PRSS50: variants seen among roughly 807,000 people sequenced by gnomAD.
The protein encoded by PRSS50 is probable threonine protease PRSS50.
Under a neutral mutation model 34.2 loss-of-function variants are expected in PRSS50, and 23 were observed. That is an observed-to-expected ratio of 0.67 (90% CI 0.48 to 0.95). PRSS50 has a LOEUF of 0.95. PRSS50 is among the 40% of genes least tolerant of loss of function. The pLI, the probability that PRSS50 is intolerant of heterozygous loss-of-function variation, is 0.00. For missense variants in PRSS50, 484 were observed against 513.4 expected, an observed-to-expected ratio of 0.94 and a Z score of 0.55; for synonymous variants, 224 against 211.2, an observed-to-expected ratio of 1.06 and a Z score of -0.53.
chr3:46,712,776 A>C (rs1575471841), intron 5 of PRSS50, 125 bp downstream of exon 5: 14 of 735,212 alleles, frequency 1.9e-5, no homozygotes, highest in South Asian at 7.7e-5. Flanking sequence ...CTCCATCCCC[A>C]TATCCCAGAG....
At position 46,714,518 on chromosome 3, in the gene PRSS50, G is replaced by A. The variant is rs940657306; in HGVS notation, c.471-17C>T. The A allele has an allele frequency of 6.4e-7, 1 of 1,550,526 alleles. No individual in the cohort carries two copies. The highest frequency in any genetic ancestry group is 8.7e-7 in the Non-Finnish European group (1 of 1,150,334). The stretch of plus-strand genomic sequence containing the variant: ...ACATCACGCCTAGGGGGGCCGTGAG[G>A]GGAGGCCATGATCAGCTCCAGGCCC... On this transcript the variant is annotated splice_polypyrimidine_tract_variant and intron_variant, in intron 3 of 5. Coordinates refer to ENST00000315170, the MANE Select transcript of PRSS50 (RefSeq NM_013270.5).
intron 4 of PRSS50, 34 bp downstream of exon 4, chr3:46,714,184 G>A: frequency 6.3e-7 from 1 of 1,599,288 alleles, no homozygotes; most frequent in Non-Finnish European, 8.5e-7. Context: ...CTTTCTCACA[G>A]CACCCGCCCT....
rs1352424633 is a variant in PRSS50 at position 46,715,384 on chromosome 3, G to A, written c.470+151C>T. The A allele has an allele frequency of 4.3e-5, 44 of 1,031,946 alleles. No individual in the cohort carries two copies. The highest frequency in any genetic ancestry group is 6.0e-5 in the Non-Finnish European group (43 of 721,232). 63.9% of individuals were successfully genotyped at this position (1,031,946 alleles called of 1,614,324 possible). ...ACACTGAAAAGACTGGAGCTCTGAAGGAATTTTCAGGACTCAGCCTCCACC... is the reference window on the plus strand; with the variant it reads ...ACACTGAAAAGACTGGAGCTCTGAAAGAATTTTCAGGACTCAGCCTCCACC... On this transcript the variant is annotated intron_variant, in intron 3 of 5. Coordinates refer to ENST00000315170, the MANE Select transcript of PRSS50 (RefSeq NM_013270.5). This position sits in a 1 kb window ranked among gnomAD's most constrained non-coding sequence, Gnocchi z 5.2.
In PRSS50 at chr3:46,716,115, T is replaced by C. The variant is rs1238365879; in HGVS notation, c.308-418A>G. ...CTGGGAACCCCTTTCTGTGGCTCAG[T>C]GAGAGGAAAGTGGATGCCCCAACAG... On this transcript the variant is annotated intron_variant, in intron 2 of 5. Transcript: ENST00000315170. This position sits in a 1 kb window ranked among gnomAD's most constrained non-coding sequence, Gnocchi z 4.4. Among the ~76,000 whole-genome samples the C allele has an allele frequency of 6.6e-6, 1 of 152,164 alleles. No homozygotes were observed. The highest frequency in any genetic ancestry group is 1.5e-5 in the Non-Finnish European group (1 of 68,020).
Position 46,717,719 on chromosome 3 carries a change from C to A in PRSS50, c.106G>T (p.Gly36Cys), listed in dbSNP as rs982616218. 1.9e-6 allele frequency: 3 copies of A among 1,597,806 alleles called. No homozygotes were observed. The South Asian group carries it at 3.4e-5, about 18-fold the overall frequency. Residue 36 changes from glycine to cysteine, a missense_variant and splice_region_variant, in exon 1 of 6, where the codon GGT (glycine) becomes TGT (cysteine). Physicochemically the swap from Gly to Cys is radical, Grantham distance 159. Transcript: ENST00000315170. This position sits in a 1 kb window ranked among gnomAD's most constrained non-coding sequence, Gnocchi z 4.5. ...GGGGTAGGGATCGGGAGGGACTCACCTGCAGACCTCAGCAACAGAAGCAGC... is the reference window on the plus strand; with the variant it reads ...GGGGTAGGGATCGGGAGGGACTCACATGCAGACCTCAGCAACAGAAGCAGC... ...LLLLLLLRSAGCWGAGEAPGA... is the reference protein window; with the variant it reads ...LLLLLLLRSACCWGAGEAPGA...
chr3:46,714,503 T>A lies in PRSS50; in HGVS notation c.471-2A>T. 1 of 1,575,660 alleles carries A rather than the reference T, an allele frequency of 6.3e-7. No individual in the cohort carries two copies. The highest frequency in any genetic ancestry group is 1.1e-5 in the South Asian group (1 of 87,002). On this transcript the variant is annotated splice_acceptor_variant, in intron 3 of 5. Coordinates refer to ENST00000315170, the MANE Select transcript of PRSS50 (RefSeq NM_013270.5). LOFTEE classifies it high-confidence loss of function. ...CTCACTGAGTAGATAACATCACGCC[T>A]AGGGGGGCCGTGAGGGGAGGCCATG...
Position 46,712,988 on chromosome 3 carries a change from G to C in PRSS50, c.834C>G (p.His278Gln). 6.2e-7 allele frequency: 1 copy of C among 1,614,166 alleles called. No individual in the cohort carries two copies. Among genetic ancestry groups the C allele is most frequent in the Non-Finnish European group, 8.5e-7 (1 of 1,180,018 alleles). ...LNNKECDNFY[H>Q]NFTKIPTLVQ... The stretch of plus-strand genomic sequence containing the variant: ...CCAGAGTGGGGATTTTGGTGAAGTT[G>C]TGGTAGAAATTGTCACACTCTTTGT... Residue 278 changes from histidine to glutamine, a missense_variant, in exon 5 of 6, where the codon CAC (histidine) becomes CAG (glutamine). His to Gln is a conservative substitution (Grantham distance 24). Coordinates refer to ENST00000315170, the MANE Select transcript of PRSS50 (RefSeq NM_013270.5).
rs1020879459 is a variant in PRSS50, at chr3:46,715,828, A to G, written c.308-131T>C. The G allele has an allele frequency of 3.1e-6, 3 of 962,628 alleles. No homozygotes were observed. Among genetic ancestry groups the G allele is most frequent in the Non-Finnish European group, 4.6e-6 (3 of 653,618 alleles). The allele number at this position is 962,628 out of a possible 1,614,324, so 59.6% of individuals were successfully genotyped here. A position where few individuals can be genotyped will look rare whatever the true frequency, so the allele number is the denominator to read the frequency against. ...GGGTGCTCCCTTTTCACCTGTCACC[A>G]TGGAATGATGCTGTCCACATGTGGA... On this transcript the variant is annotated intron_variant, in intron 2 of 5. Transcript: ENST00000315170. This position sits in a 1 kb window ranked among gnomAD's most constrained non-coding sequence, Gnocchi z 5.2.
At position 46,717,240 on chromosome 3, in the gene PRSS50, G is replaced by C. The variant is rs1700694912; in HGVS notation, c.307+197C>G. 6.6e-6 allele frequency among the ~76,000 whole-genome samples: 1 copy of C among 152,168 alleles called. No homozygotes were observed. The highest frequency in any genetic ancestry group is 1.5e-5 in the Non-Finnish European group (1 of 68,028). On this transcript the variant is annotated intron_variant, in intron 2 of 5. Coordinates refer to ENST00000315170, the MANE Select transcript of PRSS50 (RefSeq NM_013270.5). This position sits in a 1 kb window ranked among gnomAD's most constrained non-coding sequence, Gnocchi z 4.5. ...CAGGAGGGGAGGCCTGTGAGGACAA[G>C]ACACCCAGAGCTCTGGGCCTCCAGA...
In PRSS50 at chr3:46,716,595, C is replaced by T. The variant is rs1212729395; in HGVS notation, c.307+842G>A. Among the ~76,000 whole-genome samples, 1 of 152,170 alleles carries T rather than the reference C, an allele frequency of 6.6e-6. No homozygotes were observed. The highest frequency in any genetic ancestry group is 6.5e-5 in the Admixed American group (1 of 15,280). On this transcript the variant is annotated intron_variant, in intron 2 of 5. Transcript: ENST00000315170. The surrounding 1 kb of genome is among the most constrained non-coding windows in gnomAD (Gnocchi z 4.4). ...TGCAGATTTCAATCATGATGAGATTCTGCTCTGTACCATCCGCCTGGCAAA... is the reference window on the plus strand; with the variant it reads ...TGCAGATTTCAATCATGATGAGATTTTGCTCTGTACCATCCGCCTGGCAAA...
In PRSS50 at chr3:46,717,829, G is replaced by C. The variant is rs564061355; in HGVS notation, c.-5C>G. The C allele has an allele frequency of 6.7e-7, 1 of 1,497,034 alleles. No homozygotes were observed. Among genetic ancestry groups the C allele is most frequent in the East Asian group, 2.5e-5 (1 of 40,398 alleles). 92.7% of individuals were successfully genotyped at this position (1,497,034 alleles called of 1,614,324 possible). A position where few individuals can be genotyped will look rare whatever the true frequency, so the allele number is the denominator to read the frequency against. ...GGTCTGGCACCAGCGACCCATCCCG[G>C]GGTGGCAGCCGACTGCGTCTCTCCG... On this transcript the variant is annotated 5_prime_UTR_variant, in exon 1 of 6. Coordinates refer to ENST00000315170, the MANE Select transcript of PRSS50 (RefSeq NM_013270.5). This position sits in a 1 kb window ranked among gnomAD's most constrained non-coding sequence, Gnocchi z 4.5.
rs1486842229 is a variant in PRSS50 at position 46,714,307 on chromosome 3, A to G, written c.665T>C (p.Val222Ala). Residue 222 changes from valine to alanine, a missense_variant, in exon 4 of 6, where the codon GTG becomes GCG. Transcript: ENST00000315170. The stretch of plus-strand genomic sequence containing the variant: ...CGTGCCAGGCAGGCAGATGGGCCGC[A>G]CGTAATTGCTGTACTTGAGTTCCTG... The part of the protein sequence containing the change: ...LKQELKYSNY[V>A]RPICLPGTDY... 1.2e-6 allele frequency: 2 copies of G among 1,614,114 alleles called. No homozygotes were observed. Among genetic ancestry groups the G allele is most frequent in the South Asian group, 1.1e-5 (1 of 91,078 alleles).
At position 46,714,272 on chromosome 3, in the gene PRSS50, A is replaced by G. The variant is rs1301568793; in HGVS notation, c.700T>C (p.Leu234=). The G allele has an allele frequency of 6.2e-7, 1 of 1,614,106 alleles. No homozygotes were observed. Among genetic ancestry groups the G allele is most frequent in the Admixed American group, 1.7e-5 (1 of 60,024 alleles). ...ACAGTGCAGCGGGAATGGTCCTTCA[A>G]CACATAGTCCGTGCCAGGCAGGCAG... The part of the protein sequence containing the change: ...PICLPGTDYV[L]KDHSRCTVTG... The change falls in exon 4 of 6, where the codon TTG becomes CTG. Residue 234 remains leucine, a synonymous_variant. Transcript: ENST00000315170.
Position 46,717,832 on chromosome 3 carries a change from T to A in PRSS50, c.-8A>T. The A allele has an allele frequency of 6.7e-7, 1 of 1,493,610 alleles. No individual in the cohort carries two copies. The highest frequency in any genetic ancestry group is 1.3e-5 in the South Asian group (1 of 74,414). 92.5% of individuals were successfully genotyped at this position (1,493,610 alleles called of 1,614,324 possible). Reference sequence around the variant, plus strand: ...CTGGCACCAGCGACCCATCCCGGGGTGGCAGCCGACTGCGTCTCTCCGGAA... The same window carrying A: ...CTGGCACCAGCGACCCATCCCGGGGAGGCAGCCGACTGCGTCTCTCCGGAA... On this transcript the variant is annotated 5_prime_UTR_variant, in exon 1 of 6. Transcript: ENST00000315170. The surrounding 1 kb of genome is among the most constrained non-coding windows in gnomAD (Gnocchi z 4.5).
Position 46,717,691 on chromosome 3 carries a change from G to T in PRSS50, c.106+28C>A. 6.3e-7 allele frequency: 1 copy of T among 1,598,888 alleles called. No individual in the cohort carries two copies. The highest frequency in any genetic ancestry group is 2.3e-5 in the East Asian group (1 of 44,076). The stretch of plus-strand genomic sequence containing the variant: ...TGGAAGGCGAGGGCCGCGTCAGGCG[G>T]GTGGGGTAGGGATCGGGAGGGACTC... On this transcript the variant is annotated intron_variant, in intron 1 of 5. Transcript: ENST00000315170. The surrounding 1 kb of genome is among the most constrained non-coding windows in gnomAD (Gnocchi z 4.5).
chr3:46,712,349 C>T lies in PRSS50; in HGVS notation c.1055G>A (p.Trp352Ter), dbSNP rs1700631604. ...IYLQVSSYQH[W>*]IWDCLNGQAL... ...CTGCCCGTTGAGGCAGTCCCAGATC[C>T]AGTGTTGGTAGGAGGAGACCTGTAG... The change falls in exon 6 of 6, where the codon TGG becomes TAG. Residue 352 changes from tryptophan (W) to a stop codon, truncating the protein, a stop_gained. Coordinates refer to ENST00000315170, the MANE Select transcript of PRSS50 (RefSeq NM_013270.5). LOFTEE classifies it low-confidence loss of function (END_TRUNC). The T allele has an allele frequency of 6.2e-7, 1 of 1,613,792 alleles. No homozygotes were observed. Among genetic ancestry groups the T allele is most frequent in the African/African-American group, 1.3e-5 (1 of 74,874 alleles).
At position 46,712,218 on chromosome 3, in the gene PRSS50, G is replaced by A. The variant is rs765978297; in HGVS notation, c.*28C>T. ...CAACCTGGGCACGGAGGCAAGGGGG[G>A]CCCACAAGTGAGGGAGGGCACACAG... On this transcript the variant is annotated 3_prime_UTR_variant, in exon 6 of 6. Transcript: ENST00000315170. 1.3e-6 allele frequency: 2 copies of A among 1,573,520 alleles called. No individual in the cohort carries two copies. The highest frequency in any genetic ancestry group is 1.7e-6 in the Non-Finnish European group (2 of 1,152,986).
Position 46,717,402 on chromosome 3 carries a change from C to T in PRSS50, c.307+35G>A. 6.2e-7 allele frequency: 1 copy of T among 1,607,668 alleles called. No homozygotes were observed. The highest frequency in any genetic ancestry group is 8.5e-7 in the Non-Finnish European group (1 of 1,174,886). ...GTCCTTAAGACTCCTCTGTCACCCT[C>T]CTTGCCCCACGGAGTCTACACCCCT... On this transcript the variant is annotated intron_variant, in intron 2 of 5. Coordinates refer to ENST00000315170, the MANE Select transcript of PRSS50 (RefSeq NM_013270.5). This position sits in a 1 kb window ranked among gnomAD's most constrained non-coding sequence, Gnocchi z 4.5.
At position 46,712,252 on chromosome 3, in the gene PRSS50, G is replaced by A. The variant is rs1413621359; in HGVS notation, c.1152C>T (p.Ala384=). Residue 384 remains alanine, a synonymous_variant, in exon 6 of 6, where the codon GCC becomes GCT. Coordinates refer to ENST00000315170, the MANE Select transcript of PRSS50 (RefSeq NM_013270.5). ...TGAGGGAGGGCACACAGAGTCAGAG[G>A]GCAGCAAGGAGGCTGAGGGGCAGTG... ...ALPLPLSLLA[A]L is the part of the protein sequence containing the mutation. 2 of 1,607,204 alleles carry A rather than the reference G, an allele frequency of 1.2e-6. No individual in the cohort carries two copies. Among genetic ancestry groups the A allele is most frequent in the Non-Finnish European group, 8.5e-7 (1 of 1,176,980 alleles).
Sources: allele counts gnomAD v4.1 joint callset (sites outside exome capture counted in the v4.1 genomes callset), GRCh38; gene constraint gnomAD v4.1.1; non-coding constraint Gnocchi (gnomAD v3.1); transcripts MANE v1.5; gene names NCBI Gene and HGNC (gene_info 2026-07-23, HGNC 2026-07-21).